The following TMEM94 variants were observed in gnomAD, a reference collection of about 807,000 sequenced individuals.
TMEM94 encodes the protein ER Mg2+ ATPase.
A neutral mutation model predicts 158.6 loss-of-function variants in TMEM94; 81 were observed. That is an observed-to-expected ratio of 0.51 (90% CI 0.43 to 0.61). The LOEUF is 0.61. Ranked by LOEUF, TMEM94 falls within the 20% of genes least tolerant of loss-of-function variation. TMEM94 has a pLI of 0.00. For missense variants in TMEM94, 1,435 were observed against 1,762.0 expected, an observed-to-expected ratio of 0.81 and a Z score of 3.32; for synonymous variants, 751 against 730.7, an observed-to-expected ratio of 1.03 and a Z score of -0.45.
In TMEM94 at chr17:75,499,404, G is replaced by GTC; in HGVS notation, c.*70_*71insTC. On this transcript the variant is annotated 3_prime_UTR_variant, in exon 32 of 32. Transcript: ENST00000314256. ...AAGCCAGACCCATTTCTGAACAGGG[G>GTC]AGTTTGTATCATGAATGTTTCCAGG... The GTC allele has an allele frequency of 7.0e-7, 1 of 1,437,494 alleles. No homozygotes were observed. Among genetic ancestry groups the GTC allele is most frequent in the South Asian group, 1.2e-5 (1 of 86,784 alleles). The allele number at this position is 1,437,494 out of a possible 1,614,324, so 89.0% of individuals were successfully genotyped here.
At chr17:75,475,574 T>C (rs2050652953) in intron 2 of TMEM94, among the ~76,000 whole-genome samples, 1 of 152,208 alleles carries the variant, frequency 6.6e-6, no homozygotes, top group Non-Finnish European at 1.5e-5. Flanking sequence ...GCTGAGAGCA[T>C]CCTGTATGTC....
Position 75,496,817 on chromosome 17 carries a change from G to A in TMEM94, c.3321+10G>A, listed in dbSNP as rs1434353177. On this transcript the variant is annotated intron_variant, in intron 25 of 31. Coordinates refer to ENST00000314256, the MANE Select transcript of TMEM94 (RefSeq NM_014738.6). ...TCTTGTGGTCATCCAGGTGAGGTGG[G>A]GCCCGCACAGGCATTGCCCCCGTGC... The A allele has an allele frequency of 6.2e-7, 1 of 1,612,378 alleles. No individual in the cohort carries two copies.
In TMEM94 at chr17:75,485,785, T is replaced by C; in HGVS notation, c.145-86T>C. ...CAAAGAGAGGGGACCAAGGCGGCCATGGGGGCTGGGAAGGGTGCCGGGGGA... is the reference window on the plus strand; with the variant it reads ...CAAAGAGAGGGGACCAAGGCGGCCACGGGGGCTGGGAAGGGTGCCGGGGGA... On this transcript the variant is annotated intron_variant, in intron 3 of 31. Transcript: ENST00000314256. This position sits in a 1 kb window ranked among gnomAD's most constrained non-coding sequence, Gnocchi z 5.5. The C allele has an allele frequency of 1.4e-6, 2 of 1,476,760 alleles. No homozygotes were observed. Among genetic ancestry groups the C allele is most frequent in the Non-Finnish European group, 1.8e-6 (2 of 1,098,204 alleles). The allele number at this position is 1,476,760 out of a possible 1,614,324, so 91.5% of individuals were successfully genotyped here. A position where few individuals can be genotyped will look rare whatever the true frequency, so the allele number is the denominator to read the frequency against.
intron 1 of TMEM94, 131 bp from the exon 2 acceptor site, chr17:75,471,669 G>A (rs2050508293): frequency 9.3e-6 from 4 of 431,832 alleles, no homozygotes; most frequent in Non-Finnish European, 1.7e-5. Flanking sequence ...AGCCGAGATC[G>A]CGCCACTGCA....
chr17:75,496,100 G>C, intron 23 of TMEM94, 26 bp downstream of exon 23: 1 of 1,578,516 alleles, frequency 6.3e-7, no homozygotes, highest in Non-Finnish European at 8.6e-7. Flanking sequence ...TGGAGCCTGC[G>C]GGCCAGCCTC....
Position 75,499,482 on chromosome 17 carries a change from C to A in TMEM94, c.*148C>A. 1.4e-6 allele frequency: 1 copy of A among 723,972 alleles called. No homozygotes were observed. Among genetic ancestry groups the A allele is most frequent in the Non-Finnish European group, 2.3e-6 (1 of 432,316 alleles). The allele number at this position is 723,972 out of a possible 1,614,324, so 44.8% of individuals were successfully genotyped here. A position where few individuals can be genotyped will look rare whatever the true frequency, so the allele number is the denominator to read the frequency against. On this transcript the variant is annotated 3_prime_UTR_variant, in exon 32 of 32. Coordinates refer to ENST00000314256, the MANE Select transcript of TMEM94 (RefSeq NM_014738.6). ...ACCCAGCTCCCCGTGTCAGACCCCG[C>A]TGTCTTCCTGAGCCCTGGGGCTCAC...
chr17:75,478,548 T>G (rs11077791), intron 2 of TMEM94, among the ~76,000 whole-genome samples: 106,097 of 151,668 alleles, frequency 0.7, 38,684 homozygotes, highest in Non-Finnish European at 0.81. Flanking sequence ...GCAGACTCCT[T>G]GTGGTTCTGA....
rs755479406 is a variant in TMEM94 at position 75,488,803 on chromosome 17, C to G, written c.657C>G (p.Pro219=). 1.6e-5 allele frequency: 26 copies of G among 1,613,546 alleles called. No homozygotes were observed. In the Admixed American group the frequency reaches 2.5e-4, roughly 16 times the overall value. Residue 219 remains proline (P), a synonymous_variant, in exon 7 of 32, where the codon CCC becomes CCG. Transcript: ENST00000314256. ...TGGAGCCGGGAGACCTCTTCCCCCC[C>G]TTCTCCCCTCCACCCTCACCCCGGG... ...IVLEPGDLFP[P]FSPPPSPRGE... is the part of the protein sequence containing the mutation.
chr17:75,469,861 T>C (rs2050433848), intron 1 of TMEM94, among the ~76,000 whole-genome samples: 1 of 151,574 alleles, frequency 6.6e-6, no homozygotes, highest in South Asian at 2.1e-4. Flanking sequence ...TCACCTGAGG[T>C]CGGGAGTTTG....
Position 75,490,232 on chromosome 17 carries a change from A to T in TMEM94, c.955-2A>T. On this transcript the variant is annotated splice_acceptor_variant, in intron 9 of 31. Coordinates refer to ENST00000314256, the MANE Select transcript of TMEM94 (RefSeq NM_014738.6). LOFTEE classifies it high-confidence loss of function. ...CCATCTGTGTGGTCCGCTCCTTCCC[A>T]GGTGAATGGCGTCCTGCCCATCCTC... 1 of 1,613,870 alleles carries T rather than the reference A, an allele frequency of 6.2e-7. No individual in the cohort carries two copies. The highest frequency in any genetic ancestry group is 8.5e-7 in the Non-Finnish European group (1 of 1,179,952).
intron 1 of TMEM94, among the ~76,000 whole-genome samples, chr17:75,458,800 G>A (rs1424790389): frequency 6.6e-6 from 1 of 152,110 alleles, no homozygotes; most frequent in African/African-American, 2.4e-5. Flanking sequence ...GCTCACGCCT[G>A]TAATCCCAGC....
rs376280228 is a variant in TMEM94 at position 75,491,416 on chromosome 17, C to T, written c.1347C>T (p.Leu449=). 2 of 1,614,050 alleles carry T rather than the reference C, an allele frequency of 1.2e-6. No individual in the cohort carries two copies. The highest frequency in any genetic ancestry group is 1.7e-6 in the Non-Finnish European group (2 of 1,180,052). Residue 449 remains leucine (L), a synonymous_variant, in exon 13 of 32, where the codon CTC becomes CTT. Coordinates refer to ENST00000314256, the MANE Select transcript of TMEM94 (RefSeq NM_014738.6). The surrounding 1 kb of genome is among the most constrained non-coding windows in gnomAD (Gnocchi z 5.1). ...VEPPHSSHED[L]TDGLSTRSFC... ...CCCCTCACAGCAGCCATGAGGACCT[C>T]ACCGATGGCCTATCCACCCGCTCCT...
rs1328342098 is a variant in TMEM94, at chr17:75,492,841, G to T, written c.1912+52G>T. ...CTGGCTGGACCCGCCTCCTAGAAGA[G>T]GCCCAGTACCAACTCCTCACGGGAC... On this transcript the variant is annotated intron_variant, in intron 15 of 31. Coordinates refer to ENST00000314256, the MANE Select transcript of TMEM94 (RefSeq NM_014738.6). This position sits in a 1 kb window ranked among gnomAD's most constrained non-coding sequence, Gnocchi z 4.4. The T allele has an allele frequency of 1.3e-6, 2 of 1,583,658 alleles. No homozygotes were observed. Among genetic ancestry groups the T allele is most frequent in the South Asian group, 2.3e-5 (2 of 87,048 alleles).
At chr17:75,478,346 A>G (rs1287977824) in intron 2 of TMEM94, among the ~76,000 whole-genome samples, 82 of 149,378 alleles carry the variant, frequency 5.5e-4, no homozygotes, top group East Asian at 3.2e-3. Flanking sequence ...AAAAAAAAAA[A>G]AAAGAAAGAA....
In TMEM94 at chr17:75,488,004, C is replaced by A. The variant is rs763666741; in HGVS notation, c.482C>A (p.Pro161Gln). The change falls in exon 6 of 32, where the codon CCA becomes CAA. Residue 161 changes from proline to glutamine, a missense_variant. Physicochemically the swap from Pro to Gln is moderately conservative, Grantham distance 76. This residue lies in a region of TMEM94 where 1,051 missense variants were observed against 1,254.4 expected (regional missense o/e 0.84). Coordinates refer to ENST00000314256, the MANE Select transcript of TMEM94 (RefSeq NM_014738.6). ...CCAGACCTCCACATGCCTTTTGCGC[C>A]ATCCTGGTCCTTGCACTGGGCCTAC... ...MYPDLHMPFAPSWSLHWAYRD... is the reference protein window; with the variant it reads ...MYPDLHMPFAQSWSLHWAYRD... The A allele has an allele frequency of 6.2e-7, 1 of 1,614,062 alleles. No individual in the cohort carries two copies. The highest frequency in any genetic ancestry group is 8.5e-7 in the Non-Finnish European group (1 of 1,180,028).
intron 1 of TMEM94, among the ~76,000 whole-genome samples, chr17:75,467,308 A>T (rs1256339817): frequency 6.6e-6 from 1 of 151,544 alleles, no homozygotes; most frequent in Non-Finnish European, 1.5e-5. Flanking sequence ...ATGATATTAA[A>T]ATTTTTATTT....
Position 75,466,716 on chromosome 17 carries a change from G to A in TMEM94, c.-106-5084G>A, listed in dbSNP as rs572278832. Among the ~76,000 whole-genome samples, 3 of 152,148 alleles carry A rather than the reference G, an allele frequency of 2.0e-5. 1 individual carries two copies. Among genetic ancestry groups the A allele is most frequent in the African/African-American group, 7.2e-5 (3 of 41,520 alleles). On this transcript the variant is annotated intron_variant, in intron 1 of 31. Coordinates refer to ENST00000314256, the MANE Select transcript of TMEM94 (RefSeq NM_014738.6). ...ACCTGTAATCCCAGCTGTTCGGGAGGCTGAGGCAGGAGAATCACTTGAACC... is the reference window on the plus strand; with the variant it reads ...ACCTGTAATCCCAGCTGTTCGGGAGACTGAGGCAGGAGAATCACTTGAACC...
intron 2 of TMEM94, chr17:75,476,746 G>A: frequency 6.5e-7 from 1 of 1,535,762 alleles, no homozygotes; most frequent in Non-Finnish European, 8.7e-7. Context: ...GCAACAAAGT[G>A]AGTATGCTGG....
chr17:75,479,362 G>A lies in TMEM94; in HGVS notation c.25-6066G>A, dbSNP rs754796271. On this transcript the variant is annotated intron_variant, in intron 2 of 31. Transcript: ENST00000314256. Reference sequence around the variant, plus strand: ...TGAGATGGAGTCTTGCTCTGTTGCCGAAGCTGGAGTACAGTGGCGCAATCT... The same window carrying A: ...TGAGATGGAGTCTTGCTCTGTTGCCAAAGCTGGAGTACAGTGGCGCAATCT... 9.2e-5 allele frequency among the ~76,000 whole-genome samples: 14 copies of A among 151,996 alleles called. 1 individual carries two copies. Among genetic ancestry groups the A allele is most frequent in the African/African-American group, 2.2e-4 (9 of 41,462 alleles).
Sources: gnomAD v4.1 joint callset for allele counts (sites outside exome capture counted in the v4.1 genomes callset) on GRCh38, gnomAD v4.1.1 for gene constraint, gnomAD v4.1.1 regional missense constraint, Gnocchi (gnomAD v3.1) non-coding constraint, MANE v1.5 for transcripts, NCBI Gene and HGNC (gene_info 2026-07-23, HGNC 2026-07-21) for gene names.